NCR3LG1: variants seen among roughly 807,000 people sequenced by gnomAD.
NCR3LG1 encodes natural cytotoxicity triggering receptor 3 ligand 1.
In NCR3LG1, 35 loss-of-function variants were observed where a neutral mutation model predicts 34.8. The observed-to-expected ratio is 1.01, with a 90% CI of 0.77 to 1.33. The LOEUF is 1.33. Among genes scored for constraint, NCR3LG1 ranks in the 40% most tolerant of loss-of-function variants. The pLI, the probability that NCR3LG1 is intolerant of heterozygous loss-of-function variation, is 0.00. For missense variants in NCR3LG1, 452 were observed against 423.3 expected (o/e 1.07, Z -0.60); for synonymous variants, 173 against 163.6 (o/e 1.06, Z -0.44).
intron 2 of NCR3LG1, among the ~76,000 whole-genome samples, chr11:17,360,150 C>T (rs540046109): frequency 3.3e-5 from 5 of 152,300 alleles, no homozygotes; most frequent in South Asian, 2.1e-4. Flanking sequence ...AAATGATCTG[C>T]GTGTCTCGGC....
chr11:17,367,829 T>G (rs1299487895), intron 3 of NCR3LG1, among the ~76,000 whole-genome samples: 1 of 151,530 alleles, frequency 6.6e-6, no homozygotes, highest in African/African-American at 2.4e-5. Context: ...GTCTTTTTTT[T>G]TTTTTTGAGA....
chr11:17,366,142 T>G (rs1051322981), intron 2 of NCR3LG1, among the ~76,000 whole-genome samples: 22 of 152,214 alleles, frequency 1.4e-4, no homozygotes, highest in African/African-American at 4.8e-4. Flanking sequence ...TCTTTCACAC[T>G]AATGTAGCCA....
intron 3 of NCR3LG1, 80 bp from the exon 4 acceptor site, chr11:17,368,787 C>T: frequency 1.1e-6 from 1 of 927,454 alleles, no homozygotes. Context: ...CACAACCACA[C>T]AGTTCCCAGC....
rs1465046784 is a variant in NCR3LG1, at chr11:17,367,174, C to G, written c.587C>G (p.Thr196Ser). The G allele has an allele frequency of 8.5e-6, 13 of 1,536,648 alleles. No individual in the cohort carries two copies. In the Admixed American group the frequency reaches 2.4e-4, roughly 28 times the overall value. The change falls in exon 3 of 5, where the codon ACT becomes AGT. Residue 196 changes from threonine to serine, a missense_variant. Thr to Ser is a moderately conservative substitution (Grantham distance 58). Transcript: ENST00000338965. ...HPIEISEDVI[T>S]GPTIKNMDGT... Reference sequence around the variant, plus strand: ...ATAGAGATTTCTGAGGATGTCATCACTGGTCCCACCATCAAGAATATGGAT... The same window carrying G: ...ATAGAGATTTCTGAGGATGTCATCAGTGGTCCCACCATCAAGAATATGGAT...
downstream of NCR3LG1, among the ~76,000 whole-genome samples, chr11:17,377,824 G>T (rs1953490945): frequency 6.6e-6 from 1 of 152,178 alleles, no homozygotes; most frequent in African/African-American, 2.4e-5. Context: ...CACTGATATG[G>T]CAGCATCATC....
chr11:17,361,132 G>T (rs1410640187), intron 2 of NCR3LG1, among the ~76,000 whole-genome samples: 1 of 152,082 alleles, frequency 6.6e-6, no homozygotes, highest in African/African-American at 2.4e-5. Flanking sequence ...GGTAGTGTTA[G>T]TCCCTCATTT....
chr11:17,356,837 A>G lies in NCR3LG1; in HGVS notation c.257A>G (p.Gln86Arg). 1.3e-6 allele frequency: 2 copies of G among 1,536,166 alleles called. No homozygotes were observed. The highest frequency in any genetic ancestry group is 1.2e-5 in the South Asian group (1 of 84,062). The change falls in exon 2 of 5, where the codon CAA becomes CGA. Residue 86 changes from glutamine (Q) to arginine (R), a missense_variant. Coordinates refer to ENST00000338965, the MANE Select transcript of NCR3LG1 (RefSeq NM_001202439.3). ...GTCTTTGAATTTTTTGGAGATCACC[A>G]AGAGGCATTCCGACCTGGAGCCATT... ...VKVFEFFGDHQEAFRPGAIVS... is the reference protein window; with the variant it reads ...VKVFEFFGDHREAFRPGAIVS...
At chr11:17,365,183 G>T (rs76836107) in intron 2 of NCR3LG1, among the ~76,000 whole-genome samples, 1 of 152,038 alleles carries the variant, frequency 6.6e-6, no homozygotes, top group Non-Finnish European at 1.5e-5. Flanking sequence ...TTTATTATGC[G>T]GCCTTATGTT....
intron 2 of NCR3LG1, among the ~76,000 whole-genome samples, chr11:17,360,122 T>C (rs1953254197): frequency 6.6e-6 from 1 of 152,154 alleles, no homozygotes. Flanking sequence ...CCCAGGCTGG[T>C]CTTGAACTCC....
chr11:17,362,706 T>TTCTTTC (rs1398035323), intron 2 of NCR3LG1, among the ~76,000 whole-genome samples: 1 of 24,800 alleles, frequency 4.0e-5, no homozygotes, highest in African/African-American at 2.9e-4. Flanking sequence ...CTTTCTTTCT[T>TTCTTTC]TCTTTCTTTC....
intron 2 of NCR3LG1, among the ~76,000 whole-genome samples, chr11:17,357,606 C>A (rs1390687226): frequency 6.6e-6 from 1 of 152,030 alleles, no homozygotes; most frequent in Non-Finnish European, 1.5e-5. Context: ...TTCACTTCCT[C>A]TGCAACTGAC....
In NCR3LG1 at chr11:17,375,593, A is replaced by C. The variant is rs1953467346; in HGVS notation, c.*3081A>C. On this transcript the variant is annotated 3_prime_UTR_variant, in exon 5 of 5. Coordinates refer to ENST00000338965, the MANE Select transcript of NCR3LG1 (RefSeq NM_001202439.3). ...CATGCTGCCATCTGAAAGGAAAGGC[A>C]CTTCCTCACCGCTAATGGGTCTTGC... is the stretch of plus-strand genomic sequence containing the variant. 1.3e-5 allele frequency: 2 copies of C among 152,226 alleles called. No homozygotes were observed. Among genetic ancestry groups the C allele is most frequent in the Admixed American group, 1.3e-4 (2 of 15,282 alleles). 9.4% of individuals were successfully genotyped at this position (152,226 alleles called of 1,614,324 possible).
chr11:17,356,617 G>A, intron 1 of NCR3LG1, 34 bp from the exon 2 acceptor site: 1 of 1,424,380 alleles, frequency 7.0e-7, no homozygotes, highest in Admixed American at 2.1e-5. Context: ...TCATACATTG[G>A]TAAACTGAAC....
chr11:17,364,425 C>T (rs1953321696), intron 2 of NCR3LG1, among the ~76,000 whole-genome samples: 1 of 152,126 alleles, frequency 6.6e-6, no homozygotes, highest in Non-Finnish European at 1.5e-5. Context: ...AACTCCTGAC[C>T]TCAAGCAATC....
At chr11:17,358,455 G>A (rs537367149) in intron 2 of NCR3LG1, among the ~76,000 whole-genome samples, 15 of 152,098 alleles carry the variant, frequency 9.9e-5, no homozygotes, top group Non-Finnish European at 1.9e-4. Flanking sequence ...GGTTTTTGGA[G>A]GAACATCGCA....
At chr11:17,371,139 T>C (rs1237336799) in intron 4 of NCR3LG1, among the ~76,000 whole-genome samples, 1 of 148,690 alleles carries the variant, frequency 6.7e-6, no homozygotes, top group East Asian at 1.9e-4. Context: ...ATTTAAGCAT[T>C]CCCTCTATGA....
At chr11:17,371,287 C>CA (rs1953403288) in intron 4 of NCR3LG1, among the ~76,000 whole-genome samples, 1 of 152,058 alleles carries the variant, frequency 6.6e-6, no homozygotes, top group Non-Finnish European at 1.5e-5. Flanking sequence ...TATAGTGCTA[C>CA]CTAGTGGGAT....
In NCR3LG1 at chr11:17,356,872, T is replaced by C. The variant is rs1209010089; in HGVS notation, c.292T>C (p.Trp98Arg). ...AFRPGAIVSP[W>R]RLKSGDASLR... is the part of the protein sequence containing the mutation. ...CCGACCTGGAGCCATTGTGTCTCCA[T>C]GGAGGCTGAAGAGTGGGGACGCCTC... The change falls in exon 2 of 5, where the codon TGG becomes CGG. Residue 98 changes from tryptophan to arginine, a missense_variant. Trp to Arg is a moderately radical substitution (Grantham distance 101). Coordinates refer to ENST00000338965, the MANE Select transcript of NCR3LG1 (RefSeq NM_001202439.3). The C allele has an allele frequency of 1.3e-6, 2 of 1,536,156 alleles. No homozygotes were observed. The highest frequency in any genetic ancestry group is 4.9e-5 in the East Asian group (2 of 40,912).
intron 1 of NCR3LG1, among the ~76,000 whole-genome samples, chr11:17,353,010 G>C (rs908671662): frequency 6.6e-6 from 1 of 152,220 alleles, no homozygotes; most frequent in African/African-American, 2.4e-5. Context: ...GAATCCCGGA[G>C]GCGCGCTCTG....
Sources: allele counts gnomAD v4.1 joint callset (sites outside exome capture counted in the v4.1 genomes callset), GRCh38; gene constraint gnomAD v4.1.1; transcripts MANE v1.5; gene names NCBI Gene and HGNC (gene_info 2026-07-23, HGNC 2026-07-21).